MOB3B: variants seen among roughly 807,000 people sequenced by gnomAD.
MOB3B encodes MOB kinase activator 3B.
Under a neutral mutation model 18.7 loss-of-function variants are expected in MOB3B, and 7 were observed. The ratio of observed to expected loss-of-function variants is 0.37; its 90% CI spans 0.21 to 0.70. The LOEUF (loss-of-function observed/expected upper bound fraction) is 0.70. Ranked by LOEUF, MOB3B falls within the 30% of genes least tolerant of loss-of-function variation. MOB3B has a pLI of 0.52. For missense variants in MOB3B, 253 were observed against 281.3 expected (o/e 0.90, Z 0.72); for synonymous variants, 111 against 99.9 (o/e 1.11, Z -0.66).
chr9:27,398,917 A>G (rs1372168309), intron 2 of MOB3B, among the ~76,000 whole-genome samples: 1 of 149,880 alleles, frequency 6.7e-6, no homozygotes, highest in Non-Finnish European at 1.5e-5. Flanking sequence ...GGCTGAAACT[A>G]TATGCAATTG....
At chr9:27,428,175 C>G (rs1390105729) in intron 2 of MOB3B, among the ~76,000 whole-genome samples, 1 of 151,964 alleles carries the variant, frequency 6.6e-6, no homozygotes, top group Non-Finnish European at 1.5e-5. Context: ...CTAGGCATAT[C>G]AAAACAACAT....
intron 2 of MOB3B, among the ~76,000 whole-genome samples, chr9:27,401,022 A>G (rs1821869884): frequency 6.6e-6 from 1 of 152,226 alleles, no homozygotes; most frequent in Non-Finnish European, 1.5e-5. Flanking sequence ...ACCAGAAACC[A>G]GTTCAAGCTA....
chr9:27,455,038 C>A, intron 2 of MOB3B, 95 bp downstream of exon 2: 1 of 1,308,126 alleles, frequency 7.6e-7, no homozygotes, highest in South Asian at 1.3e-5. Context: ...GGGATTAATG[C>A]ATGGGTGCTA....
intron 2 of MOB3B, among the ~76,000 whole-genome samples, chr9:27,383,295 A>G (rs1821605500): frequency 6.6e-6 from 1 of 152,208 alleles, no homozygotes; most frequent in African/African-American, 2.4e-5. Flanking sequence ...GGTGCATAAA[A>G]AGTGGTACAG....
intron 2 of MOB3B, among the ~76,000 whole-genome samples, chr9:27,410,074 T>C (rs529151103): frequency 2.0e-5 from 3 of 152,252 alleles, no homozygotes; most frequent in East Asian, 3.9e-4. Context: ...ATGGTGAAAA[T>C]GGTAAGTTTT....
chr9:27,381,176 G>A (rs1221741151), intron 2 of MOB3B, among the ~76,000 whole-genome samples: 4 of 152,150 alleles, frequency 2.6e-5, no homozygotes, highest in Admixed American at 6.5e-5. Context: ...TCTATCCATA[G>A]TGGGTGTTTA....
At chr9:27,487,631 C>T (rs1217733034) in intron 1 of MOB3B, among the ~76,000 whole-genome samples, 1 of 152,040 alleles carries the variant, frequency 6.6e-6, no homozygotes, top group Non-Finnish European at 1.5e-5. Flanking sequence ...TCATTATTTC[C>T]TTTCCAGCTG....
At chr9:27,484,048 G>A (rs976139774) in intron 1 of MOB3B, among the ~76,000 whole-genome samples, 2 of 152,316 alleles carry the variant, frequency 1.3e-5, no homozygotes, top group South Asian at 4.1e-4. Context: ...GCCAAGCATT[G>A]GGGTTCAGGC....
intron 1 of MOB3B, among the ~76,000 whole-genome samples, chr9:27,465,674 C>A (rs1307577014): frequency 1.3e-5 from 2 of 152,212 alleles, no homozygotes; most frequent in Admixed American, 6.5e-5. Flanking sequence ...GGTATCCAGG[C>A]ATGTCCACAC....
intron 2 of MOB3B, among the ~76,000 whole-genome samples, chr9:27,429,649 G>C (rs991851760): frequency 6.6e-5 from 10 of 152,316 alleles, no homozygotes; most frequent in African/African-American, 2.4e-4. Context: ...ACTGGAGACT[G>C]AGAATCTGGG....
intron 2 of MOB3B, among the ~76,000 whole-genome samples, chr9:27,374,687 AT>A: frequency 6.6e-6 from 1 of 152,240 alleles, no homozygotes; most frequent in Non-Finnish European, 1.5e-5. Context: ...TGGACTACAT[AT>A]TTTTAAAATG....
intron 2 of MOB3B, among the ~76,000 whole-genome samples, chr9:27,454,253 A>G (rs2131447982): frequency 6.6e-6 from 1 of 152,352 alleles, no homozygotes; most frequent in East Asian, 1.9e-4. Flanking sequence ...TTTGTACTCC[A>G]ACCATCTCAG....
At chr9:27,345,503 T>G (rs776467346) in intron 3 of MOB3B, among the ~76,000 whole-genome samples, 4 of 152,196 alleles carry the variant, frequency 2.6e-5, no homozygotes, top group Non-Finnish European at 5.9e-5. Context: ...TTCTTCTGAT[T>G]TGGAAGCACT....
At chr9:27,460,068 A>G (rs1029681656) in intron 1 of MOB3B, among the ~76,000 whole-genome samples, 1 of 152,210 alleles carries the variant, frequency 6.6e-6, no homozygotes, top group Non-Finnish European at 1.5e-5. Flanking sequence ...CACTAAGGAC[A>G]TAGAGTTCAT....
chr9:27,481,511 GTTT>G (rs536716885), intron 1 of MOB3B, among the ~76,000 whole-genome samples: 39 of 69,724 alleles, frequency 5.6e-4, no homozygotes, highest in Middle Eastern at 0.011. Context: ...TTTTTTTTTT[GTTT>G]TTTTTGTTTT....
At chr9:27,529,460 G>T in intron 1 of MOB3B, 95 bp downstream of exon 1, 1 of 809,746 alleles carries the variant, frequency 1.2e-6, no homozygotes, top group Non-Finnish European at 1.5e-6. Context: ...GCGCCCAGGT[G>T]CGCCCCAAAC....
chr9:27,423,835 T>A (rs904572342), intron 2 of MOB3B, among the ~76,000 whole-genome samples: 12 of 152,244 alleles, frequency 7.9e-5, no homozygotes, highest in African/African-American at 2.9e-4. Flanking sequence ...TAGCTAGATC[T>A]TATTATAAGA....
chr9:27,461,380 C>T (rs1819285096), intron 1 of MOB3B, among the ~76,000 whole-genome samples: 1 of 152,216 alleles, frequency 6.6e-6, no homozygotes, highest in African/African-American at 2.4e-5. Context: ...CACAGGACAA[C>T]CCCAGAATGG....
At chr9:27,376,514 A>G (rs552114931) in intron 2 of MOB3B, among the ~76,000 whole-genome samples, 1 of 152,374 alleles carries the variant, frequency 6.6e-6, no homozygotes, top group African/African-American at 2.4e-5. Context: ...AACCAAAGCT[A>G]TAAAAAGGAA....
Sources: gnomAD v4.1 joint callset for allele counts (sites outside exome capture counted in the v4.1 genomes callset) on GRCh38, gnomAD v4.1.1 for gene constraint, MANE v1.5 for transcripts, NCBI Gene and HGNC (gene_info 2026-07-23, HGNC 2026-07-21) for gene names.